Variants in CNTNAP5 observed in about 807,000 individuals in gnomAD.
The protein encoded by CNTNAP5 is contactin-associated protein-like 5.
Under a neutral mutation model 150.2 loss-of-function variants are expected in CNTNAP5, and 72 were observed. That is an observed-to-expected ratio of 0.48 (90% CI 0.40 to 0.58). The LOEUF is 0.58. CNTNAP5 is among the 20% of genes least tolerant of loss of function. The probability of loss-of-function intolerance (pLI) is 0.00; values close to 1 mark genes in which losing one functional copy is unlikely to be tolerated. For missense variants in CNTNAP5, 1,636 were observed against 1,626.2 expected (o/e 1.01, Z -0.10); for synonymous variants, 672 against 619.8 (o/e 1.08, Z -1.25).
intron 11 of CNTNAP5, among the ~76,000 whole-genome samples, chr2:124,579,442 G>T (rs771208374): frequency 6.6e-6 from 1 of 152,198 alleles, no homozygotes; most frequent in Non-Finnish European, 1.5e-5. Flanking sequence ...CATCACATCA[G>T]GTATTATAGA....
chr2:124,885,690 G>T (rs1678066426), intron 21 of CNTNAP5, among the ~76,000 whole-genome samples: 1 of 151,670 alleles, frequency 6.6e-6, no homozygotes. Flanking sequence ...ACCTATTTGA[G>T]ATATTTCCTA....
chr2:124,337,551 T>G (rs193099573), intron 3 of CNTNAP5, among the ~76,000 whole-genome samples: 6,747 of 152,280 alleles, frequency 0.044, 218 homozygotes, highest in Non-Finnish European at 0.07. Context: ...AATTTTTGTA[T>G]AAGGTGTAAG....
chr2:124,642,180 A>G (rs970738583), intron 12 of CNTNAP5, among the ~76,000 whole-genome samples: 2 of 152,152 alleles, frequency 1.3e-5, no homozygotes, highest in African/African-American at 4.8e-5. Context: ...ATGACCAGGG[A>G]AGATTTTACC....
intron 1 of CNTNAP5, among the ~76,000 whole-genome samples, chr2:124,194,583 T>A (rs747103548): frequency 6.6e-6 from 1 of 150,920 alleles, no homozygotes; most frequent in Non-Finnish European, 1.5e-5. Context: ...ATCAAACTAG[T>A]TACTAATCTG....
Position 124,242,447 on chromosome 2 carries a change from C to G in CNTNAP5, c.381+54C>G. The G allele has an allele frequency of 2.7e-6, 4 of 1,493,764 alleles. 1 individual carries two copies. The South Asian group carries it at 3.6e-5, about 13-fold the overall frequency. 92.5% of individuals were successfully genotyped at this position (1,493,764 alleles called of 1,614,324 possible). ...AAAACTGAGATGTGCTAATGGTAAC[C>G]AGAGTATATTTCCGTCATTTTCCAA... On this transcript the variant is annotated intron_variant, in intron 3 of 23. Coordinates refer to ENST00000682447, the MANE Select transcript of CNTNAP5 (RefSeq NM_001367498.1).
chr2:124,111,276 G>A (rs906267629), intron 1 of CNTNAP5, among the ~76,000 whole-genome samples: 1 of 152,142 alleles, frequency 6.6e-6, no homozygotes, highest in African/African-American at 2.4e-5. Context: ...TCCCAAGACT[G>A]CTGGAAGTCC....
chr2:124,033,822 T>C (rs546783248), intron 1 of CNTNAP5, among the ~76,000 whole-genome samples: 14 of 152,172 alleles, frequency 9.2e-5, no homozygotes, highest in Non-Finnish European at 1.6e-4. Context: ...AAGGGAGCCT[T>C]CCAATTCATA....
chr2:124,901,639 C>T (rs1197950415), intron 21 of CNTNAP5, among the ~76,000 whole-genome samples: 1 of 152,148 alleles, frequency 6.6e-6, no homozygotes, highest in African/African-American at 2.4e-5. Context: ...ACTTCAAACA[C>T]ACAGAACTGC....
At position 124,918,992 on chromosome 2, in the gene CNTNAP5, C is replaced by T. The variant is rs1334334280; in HGVS notation, c.*4704C>T. ...TATACTGTTCTTGAGTCTTTCTTGACCTCTTCTTTTATCCCCTCTTTCATA... is the reference window on the plus strand; with the variant it reads ...TATACTGTTCTTGAGTCTTTCTTGATCTCTTCTTTTATCCCCTCTTTCATA... On this transcript the variant is annotated 3_prime_UTR_variant, in exon 24 of 24. Coordinates refer to ENST00000682447, the MANE Select transcript of CNTNAP5 (RefSeq NM_001367498.1). Among the ~76,000 whole-genome samples, 1 of 152,010 alleles carries T rather than the reference C, an allele frequency of 6.6e-6. No homozygotes were observed. Among genetic ancestry groups the T allele is most frequent in the Non-Finnish European group, 1.5e-5 (1 of 67,972 alleles).
chr2:124,682,648 A>G (rs1482669848), intron 13 of CNTNAP5, among the ~76,000 whole-genome samples: 1 of 152,160 alleles, frequency 6.6e-6, no homozygotes, highest in Admixed American at 6.5e-5. Context: ...CAGTTCTTCA[A>G]TGGCTTAGGT....
intron 6 of CNTNAP5, among the ~76,000 whole-genome samples, chr2:124,466,026 G>A (rs967158910): frequency 1.1e-4 from 17 of 152,042 alleles, no homozygotes; most frequent in African/African-American, 1.4e-4. Flanking sequence ...CTTGCTCAGC[G>A]TATTGATCTC....
intron 1 of CNTNAP5, among the ~76,000 whole-genome samples, chr2:124,171,693 C>T (rs1684935249): frequency 6.6e-6 from 1 of 152,204 alleles, no homozygotes; most frequent in African/African-American, 2.4e-5. Flanking sequence ...CCTAGCCATT[C>T]TGGGCATTCA....
At chr2:124,036,436 C>T (rs969127321) in intron 1 of CNTNAP5, among the ~76,000 whole-genome samples, 6 of 152,036 alleles carry the variant, frequency 3.9e-5, no homozygotes, top group African/African-American at 1.4e-4. Flanking sequence ...TTACGGTCAC[C>T]TGGGACTATG....
intron 3 of CNTNAP5, among the ~76,000 whole-genome samples, chr2:124,372,475 G>T (rs900021289): frequency 6.6e-6 from 1 of 151,940 alleles, no homozygotes; most frequent in South Asian, 2.1e-4. Context: ...TGACTAATAC[G>T]GAAGGATTTA....
chr2:124,783,192 G>C (rs1253708417), intron 17 of CNTNAP5, among the ~76,000 whole-genome samples: 1 of 152,122 alleles, frequency 6.6e-6, no homozygotes, highest in East Asian at 1.9e-4. Flanking sequence ...GGTGTGTTCA[G>C]TTTGTGAAAA....
At chr2:124,217,186 T>A (rs939334974) in intron 1 of CNTNAP5, among the ~76,000 whole-genome samples, 4 of 152,182 alleles carry the variant, frequency 2.6e-5, no homozygotes, top group African/African-American at 9.6e-5. Context: ...GTGTGTCCCA[T>A]TGGAAGTGAG....
rs145602549 is a variant in CNTNAP5, at chr2:124,357,230, C to T, written c.382-60213C>T. ...AACCCTTTGCCAGACGAGTAGGTTA[C>T]GAAAATTTTCTCCCACTTTTTAGGT... is the stretch of plus-strand genomic sequence containing the variant. On this transcript the variant is annotated intron_variant, in intron 3 of 23. Transcript: ENST00000682447. Among the ~76,000 whole-genome samples, 699 of 152,162 alleles carry T rather than the reference C, an allele frequency of 4.6e-3. 3 individuals are homozygous for T. Among genetic ancestry groups the T allele is most frequent in the African/African-American group, 0.016 (658 of 41,500 alleles).
At chr2:124,230,891 T>A (rs2104752542) in intron 2 of CNTNAP5, among the ~76,000 whole-genome samples, 1 of 152,248 alleles carries the variant, frequency 6.6e-6, no homozygotes, top group East Asian at 1.9e-4. Flanking sequence ...TTACCCCCTC[T>A]CCCTGTGAAC....
intron 1 of CNTNAP5, among the ~76,000 whole-genome samples, chr2:124,079,417 C>T (rs1023250968): frequency 2.0e-5 from 3 of 152,178 alleles, no homozygotes; most frequent in Admixed American, 1.3e-4. Context: ...GTGGTGTGCC[C>T]TGCTGTATAC....
Sources: allele counts gnomAD v4.1 joint callset (sites outside exome capture counted in the v4.1 genomes callset), GRCh38; gene constraint gnomAD v4.1.1; transcripts MANE v1.5; gene names NCBI Gene and HGNC (gene_info 2026-07-23, HGNC 2026-07-21).